Variants in NEGR1 observed in about 807,000 individuals in gnomAD.
The protein encoded by NEGR1 is IgLON family member 4.
NEGR1 carries 10 observed loss-of-function variants against 40.9 expected under a neutral mutation model. The observed-to-expected ratio is 0.24, with a 90% confidence interval of 0.15 to 0.42. The LOEUF (loss-of-function observed/expected upper bound fraction) is 0.42. Among genes scored for constraint, NEGR1 ranks in the 10% least tolerant of loss-of-function variants. The pLI is 1.00. For missense variants in NEGR1, 352 were observed against 438.9 expected (o/e 0.80, Z 1.77); for synonymous variants, 185 against 166.8 (o/e 1.11, Z -0.84).
chr1:71,912,662 C>T (rs1661449918), intron 2 of NEGR1, among the ~76,000 whole-genome samples: 2 of 152,186 alleles, frequency 1.3e-5, no homozygotes, highest in African/African-American at 4.8e-5. Flanking sequence ...CCTTTTATTG[C>T]AGATCATTTT....
intron 1 of NEGR1, among the ~76,000 whole-genome samples, chr1:72,191,044 A>G (rs1047939797): frequency 6.6e-6 from 1 of 151,470 alleles, no homozygotes; most frequent in Non-Finnish European, 1.5e-5. Flanking sequence ...TATGTTGGTA[A>G]AAGTTTTACT....
At chr1:72,100,800 A>C (rs1233736473) in intron 1 of NEGR1, 2 of 152,156 alleles carry the variant, frequency 1.3e-5, no homozygotes, top group African/African-American at 2.4e-5. Flanking sequence ...GTGGCTTAAC[A>C]ACAGAAATGC....
chr1:71,995,461 A>G (rs769349747), intron 1 of NEGR1, among the ~76,000 whole-genome samples: 1 of 152,168 alleles, frequency 6.6e-6, no homozygotes, highest in Admixed American at 6.5e-5. Flanking sequence ...AGATACAGGC[A>G]CATATATCAG....
intron 2 of NEGR1, among the ~76,000 whole-genome samples, chr1:71,802,216 G>T (rs188809658): frequency 6.6e-6 from 1 of 151,946 alleles, no homozygotes; most frequent in Admixed American, 6.6e-5. Flanking sequence ...ATTATTAACA[G>T]AAAAAAACCA....
intron 1 of NEGR1, among the ~76,000 whole-genome samples, chr1:72,129,241 T>C (rs1650149351): frequency 6.6e-6 from 1 of 152,194 alleles, no homozygotes; most frequent in Non-Finnish European, 1.5e-5. Flanking sequence ...TCAGTCCTTT[T>C]AGATACTATT....
chr1:72,012,010 G>GAAGTTA (rs1459439050), intron 1 of NEGR1, among the ~76,000 whole-genome samples: 1 of 152,108 alleles, frequency 6.6e-6, no homozygotes, highest in African/African-American at 2.4e-5. Context: ...AAGACAAAGG[G>GAAGTTA]AAGTTAGCTT....
At chr1:71,837,786 A>G (rs1217532849) in intron 2 of NEGR1, among the ~76,000 whole-genome samples, 1 of 152,174 alleles carries the variant, frequency 6.6e-6, no homozygotes, top group Non-Finnish European at 1.5e-5. Flanking sequence ...TCCATGAAAT[A>G]GATATTGAGC....
intron 6 of NEGR1, among the ~76,000 whole-genome samples, chr1:71,411,154 ACAAACCTATAAG>A (rs917543760): frequency 4.6e-5 from 7 of 152,296 alleles, no homozygotes; most frequent in Non-Finnish European, 1.0e-4. Context: ...CCCAGTTACT[ACAAACCTATAAG>A]GAGACAAAAT....
At chr1:71,872,206 T>C (rs140238175) in intron 2 of NEGR1, among the ~76,000 whole-genome samples, 131 of 152,326 alleles carry the variant, frequency 8.6e-4, no homozygotes, top group African/African-American at 3.0e-3. Context: ...AGGTGTTACA[T>C]GCAGGAAGAC....
intron 6 of NEGR1, among the ~76,000 whole-genome samples, chr1:71,576,795 A>T (rs1648978695): frequency 6.6e-6 from 1 of 152,114 alleles, no homozygotes; most frequent in Admixed American, 6.5e-5. Context: ...AGGAGATGAG[A>T]CCTTTTCCTT....
intron 2 of NEGR1, among the ~76,000 whole-genome samples, chr1:71,793,702 T>C (rs994881993): frequency 6.6e-6 from 1 of 152,044 alleles, no homozygotes; most frequent in Non-Finnish European, 1.5e-5. Context: ...GTAATATATA[T>C]AAAAATTTTG....
chr1:71,444,364 TGG>T lies in NEGR1; in HGVS notation c.941-36796_941-36795del, dbSNP rs1329611882. Among the ~76,000 whole-genome samples the T allele has an allele frequency of 3.9e-5, 6 of 152,284 alleles. No homozygotes were observed. In the East Asian group the frequency reaches 1.2e-3, roughly 29 times the overall value. On this transcript the variant is annotated intron_variant, in intron 6 of 6. Coordinates refer to ENST00000357731, the MANE Select transcript of NEGR1 (RefSeq NM_173808.3). ...TAGATAATACTTAAATGAATGGGCA[TGG>T]CTATATTGCAATAAAATTTTATTTA...
chr1:72,170,043 T>C lies in NEGR1; in HGVS notation c.176+112276A>G, dbSNP rs77508939. ...AGTACTATATATTATTTCAATTAGA[T>C]GCCTATAGAAAATGTGTACCTCTTT... On this transcript the variant is annotated intron_variant, in intron 1 of 6. Transcript: ENST00000357731. Among the ~76,000 whole-genome samples the C allele has an allele frequency of 2.0e-5, 3 of 152,310 alleles. No homozygotes were observed. The East Asian group carries it at 5.8e-4, about 29-fold the overall frequency.
chr1:72,086,303 C>A (rs1290216214), intron 1 of NEGR1, among the ~76,000 whole-genome samples: 1 of 152,160 alleles, frequency 6.6e-6, no homozygotes, highest in South Asian at 2.1e-4. Context: ...CTGTATGACA[C>A]CAGCCTCTCC....
intron 4 of NEGR1, among the ~76,000 whole-genome samples, chr1:71,646,826 G>T (rs780449776): frequency 6.6e-6 from 1 of 151,680 alleles, no homozygotes; most frequent in Non-Finnish European, 1.5e-5. Flanking sequence ...TGTTATCAAT[G>T]ACATCAATAA....
chr1:71,922,307 G>A (rs1645727913), intron 2 of NEGR1, among the ~76,000 whole-genome samples: 1 of 152,156 alleles, frequency 6.6e-6, no homozygotes, highest in Non-Finnish European at 1.5e-5. Flanking sequence ...CTCCCATTGA[G>A]TGAACCCTGC....
rs916998748 is a variant in NEGR1, at chr1:72,045,806, C to G, written c.177-110495G>C. Among the ~76,000 whole-genome samples, 3 of 147,996 alleles carry G rather than the reference C, an allele frequency of 2.0e-5. No homozygotes were observed. In the East Asian group the frequency reaches 6.3e-4, roughly 31 times the overall value. On this transcript the variant is annotated intron_variant, in intron 1 of 6. Transcript: ENST00000357731. Reference sequence around the variant, plus strand: ...TGAAAAATGAAAGATCCTGAAGAGACTACCATAGGAAAAATTAGAAAAAAA... The same window carrying G: ...TGAAAAATGAAAGATCCTGAAGAGAGTACCATAGGAAAAATTAGAAAAAAA...
intron 4 of NEGR1, among the ~76,000 whole-genome samples, chr1:71,673,593 A>G (rs543303528): frequency 6.6e-6 from 1 of 152,232 alleles, no homozygotes; most frequent in African/African-American, 2.4e-5. Context: ...ATTTCTCTTA[A>G]GGGAGAATAT....
intron 1 of NEGR1, among the ~76,000 whole-genome samples, chr1:72,221,160 G>A (rs534078673): frequency 4.6e-5 from 7 of 151,736 alleles, no homozygotes; most frequent in African/African-American, 1.7e-4. Context: ...GCTATAACTC[G>A]GTCTCTTATC....
Sources: allele counts gnomAD v4.1 joint callset (sites outside exome capture counted in the v4.1 genomes callset), GRCh38; gene constraint gnomAD v4.1.1; transcripts MANE v1.5; gene names NCBI Gene and HGNC (gene_info 2026-07-23, HGNC 2026-07-21).